Variants in GUCY2D observed in about 807,000 individuals in gnomAD.
The protein encoded by GUCY2D is retinal guanylyl cyclase 1.
Under a neutral mutation model 101.3 loss-of-function variants are expected in GUCY2D, and 70 were observed. The ratio of observed to expected loss-of-function variants is 0.69; its 90% confidence interval spans 0.57 to 0.84. GUCY2D has a LOEUF of 0.84. Among genes scored for constraint, GUCY2D ranks in the 40% least tolerant of loss-of-function variants. The pLI is 0.00. For synonymous variants in GUCY2D, 688 were observed against 670.7 expected, an observed-to-expected ratio of 1.03 and a Z score of -0.40; for missense variants, 1,460 against 1,542.5, an observed-to-expected ratio of 0.95 and a Z score of 0.90.
chr17:8,014,146 C>A lies in GUCY2D; in HGVS notation c.2412+118C>A. On this transcript the variant is annotated intron_variant, in intron 12 of 19. Transcript: ENST00000254854. The surrounding 1 kb of genome is among the most constrained non-coding windows in gnomAD (Gnocchi z 4.0). ...CAGGACCTCTGGCCTTCCAGGCTAC[C>A]TCCTAAGGAGTAGCCTGAAGACTCG... 1.1e-6 allele frequency: 1 copy of A among 945,414 alleles called. No homozygotes were observed. Among genetic ancestry groups the A allele is most frequent in the Non-Finnish European group, 1.7e-6 (1 of 589,606 alleles). The allele number at this position is 945,414 out of a possible 1,614,324, so 58.6% of individuals were successfully genotyped here.
At chr17:8,016,136 C>T (rs2151804035) in intron 17 of GUCY2D, 69 bp from the exon 18 acceptor site, 1 of 1,337,460 alleles carries the variant, frequency 7.5e-7, no homozygotes, top group Admixed American at 2.0e-5. Context: ...CCCAGTTCCA[C>T]GCAGACTCGA....
In GUCY2D at chr17:8,013,375, T is replaced by G; in HGVS notation, c.2263+123T>G. 1 of 1,002,996 alleles carries G rather than the reference T, an allele frequency of 1.0e-6. No individual in the cohort carries two copies. The highest frequency in any genetic ancestry group is 1.6e-5 in the African/African-American group (1 of 62,720). The allele number at this position is 1,002,996 out of a possible 1,614,324, so 62.1% of individuals were successfully genotyped here. ...GAAACTCAATTATACGGAGGCCCCC[T>G]TAAAGCTGGCATCTGCAGGTCTGGG... On this transcript the variant is annotated intron_variant, in intron 11 of 19. Transcript: ENST00000254854. This position sits in a 1 kb window ranked among gnomAD's most constrained non-coding sequence, Gnocchi z 5.0.
At position 8,002,953 on chromosome 17, in the gene GUCY2D, G is replaced by A. The variant is rs1246408357; in HGVS notation, c.-9-86G>A. The A allele has an allele frequency of 5.7e-6, 6 of 1,053,324 alleles. No individual in the cohort carries two copies. The highest frequency in any genetic ancestry group is 6.8e-6 in the Non-Finnish European group (5 of 736,342). 65.2% of individuals were successfully genotyped at this position (1,053,324 alleles called of 1,614,324 possible). ...AGCAGAATCATCCCATGGGTTACTC[G>A]GGCTTGGAGAAACTCGGGGTTACGG... On this transcript the variant is annotated intron_variant, in intron 1 of 19. Transcript: ENST00000254854. The surrounding 1 kb of genome is among the most constrained non-coding windows in gnomAD (Gnocchi z 4.9).
In GUCY2D at chr17:8,014,267, A is replaced by G. The variant is rs1255056933; in HGVS notation, c.2412+239A>G. 2 of 608,334 alleles carry G rather than the reference A, an allele frequency of 3.3e-6. No homozygotes were observed. The highest frequency in any genetic ancestry group is 5.8e-6 in the Non-Finnish European group (2 of 342,098). 37.7% of individuals were successfully genotyped at this position (608,334 alleles called of 1,614,324 possible). A position where few individuals can be genotyped will look rare whatever the true frequency, so the allele number is the denominator to read the frequency against. ...GGGAGGAATATTCAATTCAATTCAA[A>G]TAACACTGATTGAGAACCAAGTATG... is the stretch of plus-strand genomic sequence containing the variant. On this transcript the variant is annotated intron_variant, in intron 12 of 19. Transcript: ENST00000254854. The surrounding 1 kb of genome is among the most constrained non-coding windows in gnomAD (Gnocchi z 4.0).
At chr17:8,016,082 C>T (rs1975967109) in intron 17 of GUCY2D, 61 bp downstream of exon 17, 1 of 1,465,230 alleles carries the variant, frequency 6.8e-7, no homozygotes, top group African/African-American at 1.4e-5. Context: ...CCGCCCATCC[C>T]GGGCCGCGGC....
At chr17:8,012,736 C>T in intron 10 of GUCY2D, 130 bp downstream of exon 10, 1 of 803,240 alleles carries the variant, frequency 1.2e-6, no homozygotes, top group Non-Finnish European at 2.1e-6. Flanking sequence ...ATTCCTGCTA[C>T]AGAAAAGATC....
rs764280512 is a variant in GUCY2D, at chr17:8,003,660, C to T, written c.613C>T (p.Leu205Phe). The T allele has an allele frequency of 1.4e-5, 22 of 1,595,500 alleles. No individual in the cohort carries two copies. In the African/African-American group the frequency reaches 2.4e-4, roughly 17 times the overall value. ...VEAGRSLSTA[L>F]RARGLPVASV... ...GGCGGGACGCTCACTGTCCACGGCA[C>T]TCAGGGCCCGGGGCCTGCCTGTCGC... Residue 205 changes from leucine (L) to phenylalanine (F), a missense_variant, in exon 2 of 20, where the codon CTC (leucine) becomes TTC (phenylalanine). Physicochemically the swap from Leu to Phe is conservative, Grantham distance 22. Coordinates refer to ENST00000254854, the MANE Select transcript of GUCY2D (RefSeq NM_000180.4).
chr17:8,006,594 C>G lies in GUCY2D; in HGVS notation c.1258C>G (p.Leu420Val), dbSNP rs1567958449. ...AGDRLFATYM[L>V]DPARGSFLSA... ...AGACCGGCTTTTTGCCACATACATG[C>G]TGGATCCTGCCCGGGGCTCCTTCCT... is the stretch of plus-strand genomic sequence containing the variant. Residue 420 changes from leucine (L) to valine (V), a missense_variant, in exon 4 of 20, where the codon CTG becomes GTG. By Grantham distance (32) the Leu-to-Val change is conservative (BLOSUM62 1). Around this residue, in one of 3 missense-constraint regions of GUCY2D, gnomAD observed 1,196 missense variants for 1,229.6 expected, o/e 0.97. Coordinates refer to ENST00000254854, the MANE Select transcript of GUCY2D (RefSeq NM_000180.4). 3 of 1,613,544 alleles carry G rather than the reference C, an allele frequency of 1.9e-6. No individual in the cohort carries two copies. The highest frequency in any genetic ancestry group is 2.5e-6 in the Non-Finnish European group (3 of 1,179,944).
intron 8 of GUCY2D, among the ~76,000 whole-genome samples, chr17:8,010,588 C>T (rs982896500): frequency 6.6e-6 from 1 of 151,814 alleles, no homozygotes; most frequent in Non-Finnish European, 1.5e-5. Flanking sequence ...GGGCGGATCA[C>T]GAGGTCAGGA....
rs1373473769 is a variant in GUCY2D at position 8,003,085 on chromosome 17, A to G, written c.38A>G (p.Asp13Gly). Residue 13 changes from aspartate to glycine, a missense_variant, in exon 2 of 20, where the codon GAC (aspartate) becomes GGC (glycine). Asp to Gly is a moderately conservative substitution (Grantham distance 94). This residue lies in a region of GUCY2D where 1,196 missense variants were observed against 1,229.6 expected (regional missense o/e 0.97). Transcript: ENST00000254854. The stretch of plus-strand genomic sequence containing the variant: ...GCCCGCCGAGCGGGTGGGCTTCCGG[A>G]CCCCGGGCTCTGCGGTCCCGCGTGG... ...ACARRAGGLP[D>G]PGLCGPAWWA... 2 of 1,524,540 alleles carry G rather than the reference A, an allele frequency of 1.3e-6. No individual in the cohort carries two copies. Among genetic ancestry groups the G allele is most frequent in the South Asian group, 2.4e-5 (2 of 82,180 alleles). The allele number at this position is 1,524,540 out of a possible 1,614,324, so 94.4% of individuals were successfully genotyped here.
Position 8,013,288 on chromosome 17 carries a change from G to A in GUCY2D, c.2263+36G>A. On this transcript the variant is annotated intron_variant, in intron 11 of 19. Coordinates refer to ENST00000254854, the MANE Select transcript of GUCY2D (RefSeq NM_000180.4). The surrounding 1 kb of genome is among the most constrained non-coding windows in gnomAD (Gnocchi z 5.0). Reference sequence around the variant, plus strand: ...CCTGTGCGTGGAGTTCGGCCCACAGGGGCACCCTGCAGTTAGAAAAGAGCC... The same window carrying A: ...CCTGTGCGTGGAGTTCGGCCCACAGAGGCACCCTGCAGTTAGAAAAGAGCC... The A allele has an allele frequency of 6.2e-7, 1 of 1,607,618 alleles. No homozygotes were observed. Among genetic ancestry groups the A allele is most frequent in the Non-Finnish European group, 8.5e-7 (1 of 1,174,948 alleles).
rs1487272729 is a variant in GUCY2D at position 8,011,594 on chromosome 17, G to A, written c.1750-550G>A. 1.3e-5 allele frequency among the ~76,000 whole-genome samples: 2 copies of A among 152,110 alleles called. No homozygotes were observed. The highest frequency in any genetic ancestry group is 2.9e-5 in the Non-Finnish European group (2 of 68,016). On this transcript the variant is annotated intron_variant, in intron 8 of 19. Coordinates refer to ENST00000254854, the MANE Select transcript of GUCY2D (RefSeq NM_000180.4). This position sits in a 1 kb window ranked among gnomAD's most constrained non-coding sequence, Gnocchi z 4.3. ...TCCCAGCACTTTGGGAGGCTGAGGT[G>A]GGAGGATCATTTGAAGCCAGGAGTT...
chr17:8,006,768 A>T, intron 4 of GUCY2D, 54 bp downstream of exon 4: 1 of 1,416,820 alleles, frequency 7.1e-7, no homozygotes, highest in Non-Finnish European at 9.8e-7. Context: ...ACCATCCACA[A>T]AGTGATGAAA....
chr17:8,016,788 C>T, intron 19 of GUCY2D: 1 of 541,012 alleles, frequency 1.8e-6, no homozygotes, highest in East Asian at 3.2e-5. Flanking sequence ...CCTTCTGTGG[C>T]CCCTCCCCTG....
At position 8,003,058 on chromosome 17, in the gene GUCY2D, G is replaced by A. The variant is rs764072081; in HGVS notation, c.11G>A (p.Cys4Tyr). The A allele has an allele frequency of 6.4e-5, 98 of 1,526,488 alleles. No individual in the cohort carries two copies. The East Asian group carries it at 2.3e-3, about 35-fold the overall frequency. The allele number at this position is 1,526,488 out of a possible 1,614,324, so 94.6% of individuals were successfully genotyped here. A position where few individuals can be genotyped will look rare whatever the true frequency, so the allele number is the denominator to read the frequency against. Residue 4 changes from cysteine (C) to tyrosine (Y), a missense_variant, in exon 2 of 20, where the codon TGC becomes TAC. Physicochemically the swap from Cys to Tyr is radical, Grantham distance 194. Transcript: ENST00000254854. ...TCGCAGAAGCCGGCAATGACCGCCTGCGCCCGCCGAGCGGGTGGGCTTCCG... is the reference window on the plus strand; with the variant it reads ...TCGCAGAAGCCGGCAATGACCGCCTACGCCCGCCGAGCGGGTGGGCTTCCG... MTA[C>Y]ARRAGGLPDP...
Position 8,014,949 on chromosome 17 carries a change from C to T in GUCY2D, c.2667C>T (p.Phe889=), listed in dbSNP as rs1254573188. The T allele has an allele frequency of 4.3e-6, 7 of 1,613,872 alleles. No individual in the cohort carries two copies. In the Admixed American group the frequency reaches 6.7e-5, roughly 15 times the overall value. Residue 889 remains phenylalanine, a synonymous_variant, in exon 14 of 20, where the codon TTC becomes TTT. Coordinates refer to ENST00000254854, the MANE Select transcript of GUCY2D (RefSeq NM_000180.4). The surrounding 1 kb of genome is among the most constrained non-coding windows in gnomAD (Gnocchi z 4.0). ...VTLYFSDIVG[F]TTISAMSEPI... ...TGTACTTTAGTGACATTGTGGGCTT[C>T]ACCACCATCTCTGCCATGAGTGAGC...
At chr17:8,009,363 A>G in intron 7 of GUCY2D, 143 bp from the exon 8 acceptor site, 2 of 755,660 alleles carry the variant, frequency 2.6e-6, no homozygotes, top group Non-Finnish European at 4.9e-6. Context: ...CATACATCAA[A>G]CCCCTTGGTT....
Position 8,003,071 on chromosome 17 carries a change from G to T in GUCY2D, c.24G>T (p.Ala8=), listed in dbSNP as rs987666168. The change falls in exon 2 of 20, where the codon GCG becomes GCT. Residue 8 remains alanine (A), a synonymous_variant. Transcript: ENST00000254854. MTACARR[A]GGLPDPGLCG... ...CAATGACCGCCTGCGCCCGCCGAGC[G>T]GGTGGGCTTCCGGACCCCGGGCTCT... 44 of 1,526,430 alleles carry T rather than the reference G, an allele frequency of 2.9e-5. No individual in the cohort carries two copies. Among genetic ancestry groups the T allele is most frequent in the Non-Finnish European group, 3.7e-5 (42 of 1,143,342 alleles). The allele number at this position is 1,526,430 out of a possible 1,614,324, so 94.6% of individuals were successfully genotyped here. A position where few individuals can be genotyped will look rare whatever the true frequency, so the allele number is the denominator to read the frequency against.
intron 3 of GUCY2D, among the ~76,000 whole-genome samples, chr17:8,006,019 A>G (rs1975730276): frequency 6.6e-6 from 1 of 151,970 alleles, no homozygotes; most frequent in South Asian, 2.1e-4. Flanking sequence ...AACCAACAGG[A>G]AGAAGAGAGG....
Sources: allele counts gnomAD v4.1 joint callset (sites outside exome capture counted in the v4.1 genomes callset), GRCh38; gene constraint gnomAD v4.1.1; regional missense constraint gnomAD v4.1.1; non-coding constraint Gnocchi (gnomAD v3.1); transcripts MANE v1.5; gene names NCBI Gene and HGNC (gene_info 2026-07-23, HGNC 2026-07-21).